The following SKAP1 variants were observed in gnomAD, a reference collection of about 807,000 sequenced individuals.
SKAP1 encodes the protein src kinase associated phosphoprotein 1.
A neutral mutation model predicts 58.5 loss-of-function variants in SKAP1; 44 were observed. The observed-to-expected ratio is 0.75, with a 90% CI of 0.59 to 0.97. SKAP1 has a LOEUF of 0.97. SKAP1 is among the 50% of genes least tolerant of loss of function. SKAP1 has a pLI of 0.00. For missense variants in SKAP1, 390 were observed against 435.2 expected, an observed-to-expected ratio of 0.90 and a Z score of 0.92; for synonymous variants, 127 against 149.7, an observed-to-expected ratio of 0.85 and a Z score of 1.11.
At chr17:48,268,264 T>TAAA (rs758430323) in intron 4 of SKAP1, among the ~76,000 whole-genome samples, 49 of 124,266 alleles carry the variant, frequency 3.9e-4, no homozygotes, top group East Asian at 9.6e-4. Context: ...AAAGACTACT[T>TAAA]AAAAAAAAAA....
chr17:48,304,352 A>G (rs892808739), intron 4 of SKAP1, among the ~76,000 whole-genome samples: 1 of 152,230 alleles, frequency 6.6e-6, no homozygotes, highest in Non-Finnish European at 1.5e-5. Flanking sequence ...GAAAGTTACA[A>G]TAATAGCTGG....
chr17:48,151,432 G>C (rs944937199), intron 11 of SKAP1, among the ~76,000 whole-genome samples: 2 of 152,170 alleles, frequency 1.3e-5, no homozygotes, highest in Non-Finnish European at 2.9e-5. Flanking sequence ...CAGGATTGTC[G>C]TCGCTGTTTT....
chr17:48,243,360 C>T (rs926646677), intron 4 of SKAP1, among the ~76,000 whole-genome samples: 8 of 152,150 alleles, frequency 5.3e-5, no homozygotes, highest in Non-Finnish European at 1.2e-4. Flanking sequence ...AACTTCTTCC[C>T]TTTGTTCTAT....
intron 12 of SKAP1, among the ~76,000 whole-genome samples, chr17:48,135,636 C>T (rs774572107): frequency 6.6e-6 from 1 of 152,128 alleles, no homozygotes; most frequent in Non-Finnish European, 1.5e-5. Context: ...CACCACCACA[C>T]GTGGCTAATT....
chr17:48,382,841 T>C (rs922423173), intron 2 of SKAP1, among the ~76,000 whole-genome samples: 2 of 152,156 alleles, frequency 1.3e-5, no homozygotes, highest in Non-Finnish European at 2.9e-5. Flanking sequence ...TCCAGGTGAA[T>C]TTGTATTTTA....
intron 1 of SKAP1, among the ~76,000 whole-genome samples, chr17:48,410,625 A>G (rs1321216467): frequency 6.6e-6 from 1 of 152,052 alleles, no homozygotes; most frequent in Admixed American, 6.6e-5. Flanking sequence ...CTGATGGGAC[A>G]TGTCAAAAGG....
intron 2 of SKAP1, among the ~76,000 whole-genome samples, chr17:48,374,161 A>G (rs1173494906): frequency 6.6e-6 from 1 of 150,918 alleles, no homozygotes; most frequent in African/African-American, 2.4e-5. Context: ...TAGCTTCTTG[A>G]GTATCTGGGA....
intron 4 of SKAP1, among the ~76,000 whole-genome samples, chr17:48,303,924 A>G (rs1567860443): frequency 6.6e-6 from 1 of 152,224 alleles, no homozygotes; most frequent in Non-Finnish European, 1.5e-5. Flanking sequence ...GGGATTATAC[A>G]CAGAAACATC....
intron 2 of SKAP1, among the ~76,000 whole-genome samples, chr17:48,394,892 G>A (rs1239556186): frequency 1.3e-5 from 2 of 152,118 alleles, no homozygotes; most frequent in Non-Finnish European, 2.9e-5. Context: ...CTATTTTCTT[G>A]TACAGTATCT....
chr17:48,273,168 C>T (rs1052523270), intron 4 of SKAP1, among the ~76,000 whole-genome samples: 2 of 152,188 alleles, frequency 1.3e-5, no homozygotes, highest in African/African-American at 4.8e-5. Context: ...GGATCAACCA[C>T]ACTCGATACC....
chr17:48,314,561 T>G (rs1052835186), intron 4 of SKAP1, among the ~76,000 whole-genome samples: 4 of 152,132 alleles, frequency 2.6e-5, no homozygotes, highest in African/African-American at 9.7e-5. Context: ...ACTCTTTAAG[T>G]AGGAAATTAT....
chr17:48,168,427 C>A (rs1048738723), intron 10 of SKAP1, among the ~76,000 whole-genome samples: 1 of 152,176 alleles, frequency 6.6e-6, no homozygotes, highest in East Asian at 1.9e-4. Context: ...GAGGCCAAGA[C>A]GGTCGGATCC....
intron 1 of SKAP1, among the ~76,000 whole-genome samples, chr17:48,425,130 C>T (rs1421544595): frequency 2.0e-5 from 3 of 151,524 alleles, no homozygotes; most frequent in Non-Finnish European, 3.0e-5. Flanking sequence ...TGGTGGCGTG[C>T]GCCAGTATTC....
At chr17:48,400,206 C>A (rs1307942902) in intron 1 of SKAP1, among the ~76,000 whole-genome samples, 2 of 150,650 alleles carry the variant, frequency 1.3e-5, no homozygotes, top group Non-Finnish European at 2.9e-5. Flanking sequence ...TCAAGCAATT[C>A]TCTTGCCTCA....
At chr17:48,274,463 G>A (rs1313305728) in intron 4 of SKAP1, among the ~76,000 whole-genome samples, 3 of 151,896 alleles carry the variant, frequency 2.0e-5, no homozygotes, top group Admixed American at 6.6e-5. Flanking sequence ...TTGGGAGGCC[G>A]AGGCAGGTGG....
chr17:48,248,912 T>A (rs1257017389), intron 4 of SKAP1: 1 of 152,142 alleles, frequency 6.6e-6, no homozygotes, highest in Non-Finnish European at 1.5e-5. Flanking sequence ...GAACATTTAA[T>A]TAGGCCGGCG....
rs552401038 is a variant in SKAP1 at position 48,151,636 on chromosome 17, T to C, written c.978+10833A>G. 8.5e-5 allele frequency among the ~76,000 whole-genome samples: 13 copies of C among 152,364 alleles called. No individual in the cohort carries two copies. The East Asian group carries it at 1.2e-3, about 14-fold the overall frequency. ...TCTTTTAACAATTATTCGGATGGGCTACAGCCTTGCACTGCCAGGAGATTC... is the reference window on the plus strand; with the variant it reads ...TCTTTTAACAATTATTCGGATGGGCCACAGCCTTGCACTGCCAGGAGATTC... On this transcript the variant is annotated intron_variant, in intron 11 of 12. Transcript: ENST00000336915.
intron 1 of SKAP1, chr17:48,397,108 A>G (rs1319175216): frequency 9.4e-6 from 4 of 427,462 alleles, no homozygotes; most frequent in Non-Finnish European, 1.3e-5. Flanking sequence ...AGACCTTGCT[A>G]TGAATTTAGA....
At chr17:48,371,259 G>T (rs1381887738) in intron 2 of SKAP1, among the ~76,000 whole-genome samples, 2 of 152,066 alleles carry the variant, frequency 1.3e-5, no homozygotes, top group African/African-American at 4.8e-5. Flanking sequence ...ACCTGCACAT[G>T]TACCCCCTGT....
Sources: gnomAD v4.1 joint callset for allele counts (sites outside exome capture counted in the v4.1 genomes callset) on GRCh38, gnomAD v4.1.1 for gene constraint, MANE v1.5 for transcripts, NCBI Gene and HGNC (gene_info 2026-07-23, HGNC 2026-07-21) for gene names.